The following RICTOR variants were observed in gnomAD, a reference collection of about 807,000 sequenced individuals.
The protein encoded by RICTOR is RPTOR independent companion of MTOR complex 2.
A neutral mutation model predicts 214.9 loss-of-function variants in RICTOR; 49 were observed. That is an observed-to-expected ratio of 0.23 (90% CI 0.18 to 0.29). The LOEUF is 0.29. RICTOR is among the 10% of genes least tolerant of loss of function. The pLI is 1.00. For synonymous variants in RICTOR, 717 were observed against 711.3 expected (o/e 1.01, Z -0.13); for missense variants, 1,625 against 2,047.0 (o/e 0.79, Z 3.98).
rs1747813069 is a variant in RICTOR, at chr5:38,943,363, AAATAGC to A, written c.4914-398_4914-393del. 2.5e-5 allele frequency: 4 copies of A among 163,068 alleles called. No homozygotes were observed. The South Asian group carries it at 6.4e-4, about 26-fold the overall frequency. The allele number at this position is 163,068 out of a possible 1,614,324, so 10.1% of individuals were successfully genotyped here. On this transcript the variant is annotated intron_variant, in intron 36 of 37. Transcript: ENST00000357387. ...ACTGGGCTATTTCTTTGGATACTTC[AAATAGC>A]AGCTTTTAGCTAGGAAAGCACCTCA...
At chr5:38,945,814 G>A in intron 33 of RICTOR, 90 bp from the exon 34 acceptor site, 3 of 658,430 alleles carry the variant, frequency 4.6e-6, no homozygotes, top group East Asian at 3.0e-5. Flanking sequence ...GAAAGCTTAA[G>A]CACATTTTAT....
At chr5:38,982,535 T>C (rs1487478069) in intron 7 of RICTOR, among the ~76,000 whole-genome samples, 1 of 152,196 alleles carries the variant, frequency 6.6e-6, no homozygotes, top group African/African-American at 2.4e-5. Context: ...AAAGAGTTCA[T>C]GAATTAGTTA....
intron 3 of RICTOR, among the ~76,000 whole-genome samples, chr5:39,006,691 G>A (rs1468838507): frequency 1.7e-5 from 2 of 118,412 alleles, no homozygotes; most frequent in African/African-American, 6.5e-5. Context: ...GGGAGGGAAG[G>A]GGAAGGGAGA....
intron 19 of RICTOR, among the ~76,000 whole-genome samples, chr5:38,961,667 TAA>T (rs1392180460): frequency 6.6e-6 from 1 of 152,136 alleles, no homozygotes; most frequent in African/African-American, 2.4e-5. Context: ...GTGCAATTTA[TAA>T]GTTATCTTTA....
At chr5:39,028,159 T>C (rs1012448106) in intron 2 of RICTOR, among the ~76,000 whole-genome samples, 1 of 146,576 alleles carries the variant, frequency 6.8e-6, no homozygotes, top group Non-Finnish European at 1.5e-5. Context: ...GGAGAGGCCA[T>C]GGAGCAACTG....
chr5:39,022,008 T>C (rs1755459219), intron 2 of RICTOR, among the ~76,000 whole-genome samples: 1 of 152,204 alleles, frequency 6.6e-6, no homozygotes, highest in Non-Finnish European at 1.5e-5. Context: ...ACACATTTAG[T>C]AGCAACTATA....
intron 2 of RICTOR, among the ~76,000 whole-genome samples, chr5:39,035,749 CGAGAA>C (rs1276107839): frequency 3.3e-5 from 5 of 151,892 alleles, no homozygotes; most frequent in African/African-American, 1.2e-4. Flanking sequence ...TGAAATGAAG[CGAGAA>C]GAGAAGTTTA....
At chr5:39,046,147 CA>C (rs1386743123) in intron 2 of RICTOR, among the ~76,000 whole-genome samples, 1 of 151,124 alleles carries the variant, frequency 6.6e-6, no homozygotes, top group African/African-American at 2.4e-5. Context: ...GCCAGGAGTT[CA>C]ACACCAGCAA....
At chr5:39,047,750 G>A (rs1045577576) in intron 2 of RICTOR, among the ~76,000 whole-genome samples, 2 of 152,140 alleles carry the variant, frequency 1.3e-5, no homozygotes, top group Non-Finnish European at 2.9e-5. Context: ...CTTATTTATG[G>A]AAAAAGCTTT....
intron 3 of RICTOR, among the ~76,000 whole-genome samples, chr5:39,016,188 A>G (rs1754925853): frequency 6.6e-6 from 1 of 152,166 alleles, no homozygotes; most frequent in Non-Finnish European, 1.5e-5. Flanking sequence ...AGAGGGATAT[A>G]TGAAAATCAT....
chr5:39,069,733 G>A (rs1261067489), intron 2 of RICTOR, among the ~76,000 whole-genome samples: 1 of 152,244 alleles, frequency 6.6e-6, no homozygotes, highest in Non-Finnish European at 1.5e-5. Flanking sequence ...TCTATCATCC[G>A]TCAGATTATA....
Position 39,073,741 on chromosome 5 carries a change from A to G in RICTOR, c.97+370T>C, listed in dbSNP as rs567254631. On this transcript the variant is annotated intron_variant, in intron 2 of 37. Transcript: ENST00000357387. ...AACATCCTCCTGCAACCTAAATAAC[A>G]GCCTCTACCTCCCTCCAGCTGCCCC... Among the ~76,000 whole-genome samples, 4 of 152,226 alleles carry G rather than the reference A, an allele frequency of 2.6e-5. No homozygotes were observed. The South Asian group carries it at 8.3e-4, about 32-fold the overall frequency.
chr5:39,000,941 A>C (rs902954283), intron 5 of RICTOR, among the ~76,000 whole-genome samples: 22 of 152,072 alleles, frequency 1.4e-4, no homozygotes, highest in Admixed American at 2.0e-4. Flanking sequence ...AAAACAAACA[A>C]ACACACACTA....
intron 2 of RICTOR, among the ~76,000 whole-genome samples, chr5:39,037,775 T>C (rs564761044): frequency 1.3e-4 from 20 of 152,278 alleles, no homozygotes; most frequent in Non-Finnish European, 2.4e-4. Context: ...CAGGAAGAAG[T>C]TGAATCCCTG....
rs553098439 is a variant in RICTOR at position 38,964,836 on chromosome 5, T to G, written c.1356A>C (p.Leu452=). 6.2e-7 allele frequency: 1 copy of G among 1,608,906 alleles called. No homozygotes were observed. Among genetic ancestry groups the G allele is most frequent in the Non-Finnish European group, 8.5e-7 (1 of 1,176,362 alleles). ...TATCAAAGGATGCAGCCATATTCAT[T>G]AGGGTTGGCAAGCAGTGTAAATGAT... ...HSHHLHCLPT[L]MNMAASFDIP... Residue 452 remains leucine, a synonymous_variant, in exon 16 of 38, where the codon CTA becomes CTC. Coordinates refer to ENST00000357387, the MANE Select transcript of RICTOR (RefSeq NM_152756.5).
intron 3 of RICTOR, among the ~76,000 whole-genome samples, chr5:39,017,281 A>G (rs973296399): frequency 2.2e-4 from 33 of 152,178 alleles, no homozygotes; most frequent in African/African-American, 7.7e-4. Context: ...AACAGTTAAA[A>G]CTAAGCAAGT....
chr5:39,020,884 G>T (rs1220932818), intron 3 of RICTOR, among the ~76,000 whole-genome samples, 155 bp downstream of exon 3: 1 of 152,140 alleles, frequency 6.6e-6, no homozygotes, highest in East Asian at 1.9e-4. Context: ...ACATTTTTAA[G>T]ATACACTGGA....
At chr5:38,948,539 T>C (rs978487105) in intron 31 of RICTOR, among the ~76,000 whole-genome samples, 1 of 152,132 alleles carries the variant, frequency 6.6e-6, no homozygotes, top group African/African-American at 2.4e-5. Context: ...CAGAAATCTT[T>C]ATGTGAAAAA....
rs443039 is a variant in RICTOR at position 38,940,756 on chromosome 5, T to G, written c.*1548A>C. The G allele has an allele frequency of 0.039, 8,951 of 232,324 alleles. 349 individuals carry two copies. Among genetic ancestry groups the G allele is most frequent in the African/African-American group, 0.11 (4,954 of 45,360 alleles). The allele number at this position is 232,324 out of a possible 1,614,324, so 14.4% of individuals were successfully genotyped here. On this transcript the variant is annotated 3_prime_UTR_variant, in exon 38 of 38. Transcript: ENST00000357387. ...CTTCATCCCAACTGGAACTTTCAGT[T>G]CCAGTAAATAAATTTTTTAAAAAAG...
Sources: gnomAD v4.1 joint callset for allele counts (sites outside exome capture counted in the v4.1 genomes callset) on GRCh38, gnomAD v4.1.1 for gene constraint, MANE v1.5 for transcripts, NCBI Gene and HGNC (gene_info 2026-07-23, HGNC 2026-07-21) for gene names.